Variants in OTUD4 observed in about 807,000 individuals in gnomAD.
OTUD4 encodes the protein OTU deubiquitinase 4, also known as OTU domain-containing protein 4.
A neutral mutation model predicts 130.4 loss-of-function variants in OTUD4; 24 were observed. That is an observed-to-expected ratio of 0.18 (90% confidence interval 0.13 to 0.26). The LOEUF (loss-of-function observed/expected upper bound fraction) is 0.26. Ranked by LOEUF, OTUD4 falls within the 10% of genes least tolerant of loss-of-function variation. The pLI, the probability that OTUD4 is intolerant of heterozygous loss-of-function variation, is 1.00. For synonymous variants in OTUD4, 420 were observed against 472.5 expected, an observed-to-expected ratio of 0.89 and a Z score of 1.44; for missense variants, 1,031 against 1,329.4, an observed-to-expected ratio of 0.78 and a Z score of 3.49.
At chr4:145,146,487 T>A (rs182971554) in intron 13 of OTUD4, 58 bp from the exon 14 acceptor site, 36 of 929,852 alleles carry the variant, frequency 3.9e-5, no homozygotes, top group Middle Eastern at 3.7e-4. Flanking sequence ...AATAAATAAA[T>A]AAAACATTCT....
intron 1 of OTUD4, chr4:145,179,590 G>T: frequency 7.3e-7 from 1 of 1,373,026 alleles, no homozygotes. Flanking sequence ...TCTTCATCAG[G>T]AGAGAGACAC....
chr4:145,138,521 C>T lies in OTUD4; in HGVS notation c.2254G>A (p.Ala752Thr). 1 of 1,614,128 alleles carries T rather than the reference C, an allele frequency of 6.2e-7. No homozygotes were observed. Among genetic ancestry groups the T allele is most frequent in the Non-Finnish European group, 8.5e-7 (1 of 1,180,020 alleles). ...TCACTTTCATTCTGAGCAGCAGGAG[C>T]CTCTTGGAACCAGGGATTATGAGGA... ...VYPHNPWFQE[A>T]PAAQNESDCT... Residue 752 changes from alanine (A) to threonine (T), a missense_variant, in exon 21 of 21, where the codon GCT (alanine) becomes ACT (threonine). Physicochemically the swap from Ala to Thr is moderately conservative, Grantham distance 58. This residue lies in a region of OTUD4 where 900 missense variants were observed against 1,095.9 expected (regional missense o/e 0.82). Coordinates refer to ENST00000447906, the MANE Select transcript of OTUD4 (RefSeq NM_001366057.1).
intron 7 of OTUD4, among the ~76,000 whole-genome samples, chr4:145,157,513 C>A (rs1473229543): frequency 1.3e-5 from 2 of 151,930 alleles, no homozygotes; most frequent in Non-Finnish European, 2.9e-5. Context: ...ATATAAACCC[C>A]ATCTCTACTA....
intron 11 of OTUD4, among the ~76,000 whole-genome samples, chr4:145,151,175 A>C (rs986023721): frequency 1.3e-5 from 2 of 152,208 alleles, no homozygotes; most frequent in Non-Finnish European, 2.9e-5. Flanking sequence ...AGAATGACTT[A>C]TTCTGTTAGG....
chr4:145,136,472 GGGGGA>G lies in OTUD4; in HGVS notation c.*953_*957del, dbSNP rs893887587. 2 of 49,290 alleles carry G rather than the reference GGGGGA, an allele frequency of 4.1e-5. 1 individual carries two copies. The highest frequency in any genetic ancestry group is 4.6e-4 in the Admixed American group (2 of 4,348). The allele number at this position is 49,290 out of a possible 1,614,324, so 3.1% of individuals were successfully genotyped here. A position where few individuals can be genotyped will look rare whatever the true frequency, so the allele number is the denominator to read the frequency against. On this transcript the variant is annotated 3_prime_UTR_variant, in exon 21 of 21. Transcript: ENST00000447906. ...TACACAACCAATGGTGCGGGGGGGG[GGGGGA>G]GGAAGAAAACAACTCTAGAAACCTG... is the stretch of plus-strand genomic sequence containing the variant.
intron 1 of OTUD4, 52 bp downstream of exon 1, chr4:145,179,763 G>A: frequency 1.4e-6 from 1 of 702,248 alleles, no homozygotes; most frequent in Non-Finnish European, 2.0e-6. Context: ...ACCCAGACCC[G>A]CCGGGCCGTC....
intron 1 of OTUD4, among the ~76,000 whole-genome samples, chr4:145,175,657 G>T (rs1434992705): frequency 6.6e-6 from 1 of 151,746 alleles, no homozygotes; most frequent in African/African-American, 2.4e-5. Context: ...CGATCTTCCT[G>T]CCTCAGCCTC....
At chr4:145,162,093 C>A (rs932656687) in intron 6 of OTUD4, among the ~76,000 whole-genome samples, 5 of 152,198 alleles carry the variant, frequency 3.3e-5, no homozygotes, top group African/African-American at 1.2e-4. Context: ...CCACCTCAGC[C>A]TCCCAAGTAG....
intron 3 of OTUD4, chr4:145,171,272 G>A (rs967648336): frequency 2.5e-5 from 4 of 158,098 alleles, no homozygotes; most frequent in Admixed American, 6.5e-5. Flanking sequence ...GCAGTGAGCC[G>A]AGATCATGCC....
At chr4:145,164,001 C>T (rs1005911737) in intron 5 of OTUD4, among the ~76,000 whole-genome samples, 153 bp downstream of exon 5, 1 of 152,138 alleles carries the variant, frequency 6.6e-6, no homozygotes, top group Non-Finnish European at 1.5e-5. Context: ...AGCCACCGCA[C>T]CCGGCTATAG....
chr4:145,163,490 T>C (rs1007557789), intron 5 of OTUD4, among the ~76,000 whole-genome samples: 23 of 152,326 alleles, frequency 1.5e-4, no homozygotes, highest in African/African-American at 5.5e-4. Context: ...TACTAAAGTA[T>C]TCCTGGATGT....
chr4:145,135,755 T>A lies in OTUD4; in HGVS notation c.*1675A>T, dbSNP rs1297451074. 2.0e-5 allele frequency: 3 copies of A among 152,676 alleles called. No homozygotes were observed. Among genetic ancestry groups the A allele is most frequent in the Non-Finnish European group, 4.4e-5 (3 of 68,034 alleles). 9.5% of individuals were successfully genotyped at this position (152,676 alleles called of 1,614,324 possible). On this transcript the variant is annotated 3_prime_UTR_variant, in exon 21 of 21. Transcript: ENST00000447906. ...TTCAAAGTGCTCTCTAAAATCCTGT[T>A]ACATTATCTAAATGCTAATCACTAC...
intron 3 of OTUD4, chr4:145,171,040 G>C (rs933309150): frequency 6.6e-6 from 1 of 152,162 alleles, no homozygotes; most frequent in Admixed American, 6.5e-5. Flanking sequence ...TGCCTAGGAA[G>C]AAAAACTCTG....
chr4:145,153,873 A>G (rs1004044264), intron 10 of OTUD4, among the ~76,000 whole-genome samples: 2 of 152,246 alleles, frequency 1.3e-5, no homozygotes, highest in African/African-American at 2.4e-5. Context: ...AGTTATCAAA[A>G]GTTTAAACTA....
chr4:145,179,786 C>G (rs1291358394), intron 1 of OTUD4, 29 bp downstream of exon 1: 4 of 1,407,650 alleles, frequency 2.8e-6, no homozygotes, highest in Non-Finnish European at 2.9e-6. Context: ...CGCCTCCCCT[C>G]GAAGCCCTCC....
At chr4:145,157,460 G>A (rs767575042) in intron 7 of OTUD4, among the ~76,000 whole-genome samples, 2 of 152,092 alleles carry the variant, frequency 1.3e-5, no homozygotes, top group Non-Finnish European at 2.9e-5. Flanking sequence ...AGGCCGAGGC[G>A]GGTGGATCGC....
chr4:145,148,495 G>A (rs1245039803), intron 13 of OTUD4, among the ~76,000 whole-genome samples: 10 of 146,520 alleles, frequency 6.8e-5, no homozygotes, highest in African/African-American at 1.3e-4. Context: ...GTGAAACTCC[G>A]TCTCAAAAAA....
rs1374874393 is a variant in OTUD4 at position 145,138,430 on chromosome 4, T to C, written c.2345A>G (p.Gln782Arg). Residue 782 changes from glutamine to arginine, a missense_variant, in exon 21 of 21, where the codon CAG becomes CGG. Gln to Arg is a conservative substitution (Grantham distance 43). Coordinates refer to ENST00000447906, the MANE Select transcript of OTUD4 (RefSeq NM_001366057.1). The part of the protein sequence containing the change: ...TEASVNGQMP[Q>R]PEIGPPTFSS... ...AAATGTCGGCGGTCCAATCTCTGGC[T>C]GTGGCATTTGACCATTAACACTGGC... is the stretch of plus-strand genomic sequence containing the variant. 5 of 1,614,232 alleles carry C rather than the reference T, an allele frequency of 3.1e-6. No individual in the cohort carries two copies. Among genetic ancestry groups the C allele is most frequent in the Admixed American group, 1.7e-5 (1 of 60,018 alleles).
At position 145,139,972 on chromosome 4, in the gene OTUD4, G is replaced by T; in HGVS notation, c.2103C>A (p.Phe701Leu). ...ATACCTTCACACCAAGATTGAAGAA[G>T]AATCGAAGAATATTCTTATCTAAAA... The part of the protein sequence containing the change: ...DLPKDKNILR[F>L]FFNLGVKAYS... The change falls in exon 20 of 21, where the codon TTC becomes TTA. Residue 701 changes from phenylalanine (F) to leucine (L), a missense_variant. Around this residue, in one of 3 missense-constraint regions of OTUD4, gnomAD observed 900 missense variants for 1,095.9 expected, o/e 0.82. Transcript: ENST00000447906. 1 of 814,724 alleles carries T rather than the reference G, an allele frequency of 1.2e-6. No homozygotes were observed. Among genetic ancestry groups the T allele is most frequent in the Non-Finnish European group, 1.9e-6 (1 of 518,962 alleles). The allele number at this position is 814,724 out of a possible 1,614,324, so 50.5% of individuals were successfully genotyped here.
Sources: gnomAD v4.1 joint callset for allele counts (sites outside exome capture counted in the v4.1 genomes callset) on GRCh38, gnomAD v4.1.1 for gene constraint, gnomAD v4.1.1 regional missense constraint, MANE v1.5 for transcripts, NCBI Gene and HGNC (gene_info 2026-07-23, HGNC 2026-07-21) for gene names.